The following ZNF831 variants were observed in gnomAD, a reference collection of about 807,000 sequenced individuals.
ZNF831 encodes chromosome 20 open reading frame 174.
In ZNF831, 59 loss-of-function variants were observed where a neutral mutation model predicts 95.8. The ratio of observed to expected loss-of-function variants is 0.62; its 90% CI spans 0.50 to 0.77. The LOEUF (loss-of-function observed/expected upper bound fraction) is 0.77. Among genes scored for constraint, ZNF831 ranks in the 30% least tolerant of loss-of-function variants. The pLI is 0.00. For synonymous variants in ZNF831, 961 were observed against 925.5 expected (o/e 1.04, Z -0.70); for missense variants, 2,205 against 2,164.0 (o/e 1.02, Z -0.38).
chr20:59,239,132 G>T (rs1230391400), intron 4 of ZNF831, among the ~76,000 whole-genome samples: 1 of 152,160 alleles, frequency 6.6e-6, no homozygotes, highest in African/African-American at 2.4e-5. Flanking sequence ...TTGGGGTACA[G>T]GCCCACTTCC....
chr20:59,207,095 C>T lies in ZNF831; in HGVS notation c.4027+39C>T, dbSNP rs140993963. On this transcript the variant is annotated intron_variant, in intron 4 of 5. Transcript: ENST00000371030. The stretch of plus-strand genomic sequence containing the variant: ...TGGAGGTGCATCCAGACTGGGCACT[C>T]GAAGGCACCCGCCCAAGGCATAGAC... 3.5e-4 allele frequency: 565 copies of T among 1,602,364 alleles called. 4 individuals are homozygous for T. In the East Asian group the frequency reaches 0.01, roughly 29 times the overall value.
In ZNF831 at chr20:59,192,123, G is replaced by A. The variant is rs1236766189; in HGVS notation, c.1104G>A (p.Glu368=). Residue 368 remains glutamate, a synonymous_variant, in exon 2 of 6, where the codon GAG becomes GAA. Coordinates refer to ENST00000371030, the MANE Select transcript of ZNF831 (RefSeq NM_178457.3). The surrounding 1 kb of genome is among the most constrained non-coding windows in gnomAD (Gnocchi z 5.2). The part of the protein sequence containing the change: ...APCSPLHSLS[E]HSAESEGEGG... ...GCAGCCCCCTGCACAGCCTTTCGGA[G>A]CACAGCGCCGAGTCCGAGGGGGAGG... 3.2e-6 allele frequency: 5 copies of A among 1,574,448 alleles called. No individual in the cohort carries two copies. Among genetic ancestry groups the A allele is most frequent in the Non-Finnish European group, 4.3e-6 (5 of 1,166,228 alleles).
rs377284566 is a variant in ZNF831 at position 59,217,158 on chromosome 20, A to ATCTC, written c.4027+10104_4027+10107dup. ...TCTGGAGTACATCTGACAGATCTTC[A>ATCTC]TCTCTGTGTGTGTGTGTGTGTGTGT... is the stretch of plus-strand genomic sequence containing the variant. On this transcript the variant is annotated intron_variant, in intron 4 of 5. Coordinates refer to ENST00000371030, the MANE Select transcript of ZNF831 (RefSeq NM_178457.3). This position sits in a 1 kb window ranked among gnomAD's most constrained non-coding sequence, Gnocchi z 4.4. Among the ~76,000 whole-genome samples, 94 of 117,588 alleles carry ATCTC rather than the reference A, an allele frequency of 8.0e-4. No individual in the cohort carries two copies. Among genetic ancestry groups the ATCTC allele is most frequent in the African/African-American group, 3.5e-3 (82 of 23,284 alleles). 77.1% of individuals were successfully genotyped at this position (117,588 alleles called of 152,430 possible).
At chr20:59,126,246 C>G (rs547325437) in intron 1 of ZNF831, among the ~76,000 whole-genome samples, 11 of 152,200 alleles carry the variant, frequency 7.2e-5, no homozygotes, top group Non-Finnish European at 1.3e-4. Context: ...GTCAATTCCT[C>G]TTTACCCTCC....
intron 1 of ZNF831, among the ~76,000 whole-genome samples, chr20:59,140,335 G>A (rs969140641): frequency 1.1e-4 from 17 of 152,166 alleles, no homozygotes; most frequent in Non-Finnish European, 1.9e-4. Context: ...AGAAGAGCTA[G>A]AGTTTTGTTT....
At chr20:59,205,668 T>G (rs1374106386) in intron 3 of ZNF831, among the ~76,000 whole-genome samples, 1 of 152,076 alleles carries the variant, frequency 6.6e-6, no homozygotes, top group Admixed American at 6.5e-5. Flanking sequence ...GAAAGGAAAA[T>G]AGCCGGTTCT....
chr20:59,247,856 C>T (rs895519361), intron 4 of ZNF831, among the ~76,000 whole-genome samples: 4 of 152,028 alleles, frequency 2.6e-5, no homozygotes, highest in African/African-American at 4.8e-5. Flanking sequence ...TTGAGCAGTG[C>T]GTTTATAGCA....
intron 4 of ZNF831, among the ~76,000 whole-genome samples, chr20:59,218,275 G>A (rs749958434): frequency 5.9e-5 from 9 of 152,210 alleles, no homozygotes; most frequent in South Asian, 2.1e-4. Context: ...CAATATGAGA[G>A]CAGTGTTTCT....
intron 4 of ZNF831, among the ~76,000 whole-genome samples, chr20:59,239,142 C>G (rs956708443): frequency 5.3e-5 from 8 of 152,168 alleles, no homozygotes; most frequent in Non-Finnish European, 1.2e-4. Flanking sequence ...GGCCCACTTC[C>G]CATTTTTCTT....
chr20:59,241,312 A>T (rs1268536031), intron 4 of ZNF831, among the ~76,000 whole-genome samples: 2 of 146,770 alleles, frequency 1.4e-5, no homozygotes, highest in African/African-American at 2.5e-5. Flanking sequence ...GGCCCCCTCT[A>T]TTTTTTTTTA....
intron 5 of ZNF831, 23 bp from the exon 6 acceptor site, chr20:59,253,875 T>TTTTTC: frequency 4.5e-6 from 4 of 881,866 alleles, no homozygotes; most frequent in East Asian, 5.3e-5. Context: ...CCCACTTTTT[T>TTTTTC]TTTCCTTTGC....
At chr20:59,220,132 C>A (rs1273514166) in intron 4 of ZNF831, among the ~76,000 whole-genome samples, 2 of 152,210 alleles carry the variant, frequency 1.3e-5, no homozygotes, top group African/African-American at 4.8e-5. Flanking sequence ...GGAAGACCCC[C>A]TTCTCAGCAG....
intron 3 of ZNF831, among the ~76,000 whole-genome samples, chr20:59,201,858 T>G (rs1370139592): frequency 6.6e-6 from 1 of 152,146 alleles, no homozygotes; most frequent in Admixed American, 6.5e-5. Context: ...TGGAGCAAAA[T>G]AGAGAATACA....
At chr20:59,213,206 G>T (rs1055380641) in intron 4 of ZNF831, among the ~76,000 whole-genome samples, 1 of 152,192 alleles carries the variant, frequency 6.6e-6, no homozygotes, top group Admixed American at 6.5e-5. Context: ...ATGTAAAAAT[G>T]TATGTCCTCA....
chr20:59,147,626 C>G (rs978239099), intron 2 of ZNF831, among the ~76,000 whole-genome samples: 1 of 152,234 alleles, frequency 6.6e-6, no homozygotes. Context: ...GGCAGCTCTC[C>G]TACCACAAGG....
rs201792875 is a variant in ZNF831, at chr20:59,202,342, A to T, written c.3876-4563A>T. Among the ~76,000 whole-genome samples, 115 of 122,684 alleles carry T rather than the reference A, an allele frequency of 9.4e-4. 2 individuals carry two copies. The highest frequency in any genetic ancestry group is 5.3e-3 in the East Asian group (26 of 4,876). The allele number at this position is 122,684 out of a possible 152,430, so 80.5% of individuals were successfully genotyped here. A position where few individuals can be genotyped will look rare whatever the true frequency, so the allele number is the denominator to read the frequency against. ...TTTCAACCTTTTTTTTTTTTTTTAA[A>T]AAAAAAAACACATCTAATGTTTTGC... On this transcript the variant is annotated intron_variant, in intron 3 of 5. Coordinates refer to ENST00000371030, the MANE Select transcript of ZNF831 (RefSeq NM_178457.3).
intron 4 of ZNF831, among the ~76,000 whole-genome samples, chr20:59,230,537 T>G (rs963778609): frequency 2.6e-5 from 4 of 152,250 alleles, no homozygotes; most frequent in Non-Finnish European, 5.9e-5. Context: ...TGGCTGTGTT[T>G]CAATAAAACT....
At chr20:59,131,199 C>T (rs1275823426) in intron 1 of ZNF831, among the ~76,000 whole-genome samples, 2 of 152,132 alleles carry the variant, frequency 1.3e-5, no homozygotes, top group Admixed American at 6.5e-5. Context: ...CCTCTCTGCC[C>T]CTTCCTTTCA....
At chr20:59,166,566 TCTC>T (rs1981280503) in intron 1 of ZNF831, among the ~76,000 whole-genome samples, 1 of 151,994 alleles carries the variant, frequency 6.6e-6, no homozygotes, top group Non-Finnish European at 1.5e-5. Flanking sequence ...TCCCTCCTGC[TCTC>T]CTCCTCTCTC....
Sources: allele counts gnomAD v4.1 joint callset (sites outside exome capture counted in the v4.1 genomes callset), GRCh38; gene constraint gnomAD v4.1.1; non-coding constraint Gnocchi (gnomAD v3.1); transcripts MANE v1.5; gene names NCBI Gene and HGNC (gene_info 2026-07-23, HGNC 2026-07-21).